ZFHX3: variants seen among roughly 807,000 people sequenced by gnomAD.
ZFHX3 encodes the protein zinc finger homeobox 3.
A neutral mutation model predicts 279.1 loss-of-function variants in ZFHX3; 42 were observed. The observed-to-expected ratio is 0.15, with a 90% CI of 0.12 to 0.19. The LOEUF (loss-of-function observed/expected upper bound fraction) is 0.19, where lower values mean the gene tolerates loss of function less well. Among genes scored for constraint, ZFHX3 ranks in the 10% least tolerant of loss-of-function variants. ZFHX3 has a pLI of 1.00. For synonymous variants in ZFHX3, 2,293 were observed against 1,957.8 expected, an observed-to-expected ratio of 1.17 and a Z score of -4.52; for missense variants, 4,981 against 4,754.0, an observed-to-expected ratio of 1.05 and a Z score of -1.40.
chr16:73,524,770 T>C (rs1212398443), intron 2 of ZFHX3, among the ~76,000 whole-genome samples: 1 of 152,252 alleles, frequency 6.6e-6, no homozygotes, highest in Non-Finnish European at 1.5e-5. Context: ...GGTCAGCTGG[T>C]ATTCTGCTCT....
intron 2 of ZFHX3, among the ~76,000 whole-genome samples, chr16:73,671,769 C>G (rs1391069993): frequency 6.6e-6 from 1 of 152,122 alleles, no homozygotes; most frequent in African/African-American, 2.4e-5. Context: ...CCTGGCTTTC[C>G]TTGAAGGGGA....
At chr16:73,425,141 G>A (rs2017788972) in intron 3 of ZFHX3, among the ~76,000 whole-genome samples, 1 of 152,188 alleles carries the variant, frequency 6.6e-6, no homozygotes, top group Non-Finnish European at 1.5e-5. Context: ...TACTTCTTGA[G>A]CAAATGCTTG....
chr16:73,788,722 A>G (rs1414109922), intron 1 of ZFHX3, among the ~76,000 whole-genome samples: 1 of 151,516 alleles, frequency 6.6e-6, no homozygotes, highest in Non-Finnish European at 1.5e-5. Context: ...AAATATATAT[A>G]TATCTATATA....
chr16:72,953,003 A>G (rs1488446284), intron 2 of ZFHX3, among the ~76,000 whole-genome samples: 3 of 152,128 alleles, frequency 2.0e-5, no homozygotes, highest in African/African-American at 2.4e-5. Flanking sequence ...AACTGATTAG[A>G]ATCCAAGTCA....
chr16:73,606,356 C>T (rs1048247335), intron 2 of ZFHX3, among the ~76,000 whole-genome samples: 4 of 151,228 alleles, frequency 2.6e-5, no homozygotes, highest in Non-Finnish European at 4.4e-5. Flanking sequence ...CGTGGTGGTG[C>T]GCACCTGTAA....
intron 7 of ZFHX3, among the ~76,000 whole-genome samples, chr16:72,801,147 T>A (rs947013343): frequency 2.0e-5 from 3 of 152,166 alleles, no homozygotes; most frequent in African/African-American, 7.2e-5. Context: ...ATATTTCAAA[T>A]GAATTAGAAA....
intron 1 of ZFHX3, among the ~76,000 whole-genome samples, chr16:73,767,219 G>A (rs1338094801): frequency 6.6e-6 from 1 of 152,128 alleles, no homozygotes; most frequent in Non-Finnish European, 1.5e-5. Context: ...TCGCAGGTGT[G>A]AGCCACTGCG....
intron 4 of ZFHX3, among the ~76,000 whole-genome samples, chr16:73,317,730 T>A (rs913082463): frequency 5.9e-5 from 9 of 152,092 alleles, no homozygotes; most frequent in African/African-American, 2.2e-4. Context: ...CGGCATCAAA[T>A]ACTCATCAAA....
At chr16:73,209,258 AT>A (rs2011919366) in intron 5 of ZFHX3, among the ~76,000 whole-genome samples, 1 of 152,252 alleles carries the variant, frequency 6.6e-6, no homozygotes, top group African/African-American at 2.4e-5. Flanking sequence ...TATTTCCCAA[AT>A]AAAAATAATT....
intron 3 of ZFHX3, among the ~76,000 whole-genome samples, chr16:73,342,626 A>G (rs1184252990): frequency 6.6e-6 from 1 of 152,210 alleles, no homozygotes; most frequent in African/African-American, 2.4e-5. Context: ...AAACTATACA[A>G]GTATCTACCT....
At chr16:73,571,805 G>A (rs983489878) in intron 2 of ZFHX3, among the ~76,000 whole-genome samples, 16 of 152,128 alleles carry the variant, frequency 1.1e-4, no homozygotes, top group Admixed American at 2.0e-4. Flanking sequence ...TTTGGTTGTC[G>A]TGAAAGGGGT....
intron 2 of ZFHX3, among the ~76,000 whole-genome samples, chr16:73,502,955 G>C (rs1016779198): frequency 2.0e-5 from 3 of 152,158 alleles, no homozygotes; most frequent in Non-Finnish European, 4.4e-5. Context: ...CTCTAACCAC[G>C]ATGGCAATCC....
chr16:73,579,528 G>A (rs1428286429), intron 2 of ZFHX3, among the ~76,000 whole-genome samples: 2 of 148,682 alleles, frequency 1.3e-5, no homozygotes, highest in Non-Finnish European at 3.0e-5. Context: ...TTGAGACAGA[G>A]TCTCACTCCG....
chr16:73,814,689 T>A (rs971345408), intron 1 of ZFHX3, among the ~76,000 whole-genome samples: 1 of 151,910 alleles, frequency 6.6e-6, no homozygotes. Context: ...TGCCTCAGCC[T>A]CCTGAGTAGC....
chr16:73,672,287 T>A lies in ZFHX3; in HGVS notation c.-1547+7893A>T, dbSNP rs183261546. ...AGATCGTTCTGGGAACAAGGCAAGA[T>A]ATACAAAACCAAAATATATCACCAA... On this transcript the variant is annotated intron_variant, in intron 2 of 17. Coordinates refer to the ZFHX3 transcript ENST00000641206. Among the ~76,000 whole-genome samples the A allele has an allele frequency of 8.5e-5, 13 of 152,286 alleles. No homozygotes were observed. The East Asian group carries it at 2.5e-3, about 29-fold the overall frequency.
chr16:73,430,087 G>A (rs1454683293), intron 3 of ZFHX3, among the ~76,000 whole-genome samples: 2 of 151,628 alleles, frequency 1.3e-5, no homozygotes, highest in South Asian at 4.2e-4. Context: ...ACAGGGTCTT[G>A]CTATGTTGCC....
chr16:73,817,303 A>G (rs1012701701), intron 1 of ZFHX3, among the ~76,000 whole-genome samples: 8 of 152,198 alleles, frequency 5.3e-5, no homozygotes, highest in Admixed American at 3.9e-4. Flanking sequence ...CCTTCTAATC[A>G]ATGTAATTCA....
chr16:73,640,511 A>C (rs964221058), intron 2 of ZFHX3, among the ~76,000 whole-genome samples: 2 of 152,214 alleles, frequency 1.3e-5, no homozygotes, highest in African/African-American at 4.8e-5. Context: ...GAAAGGTAAC[A>C]GAGGACATTG....
chr16:73,835,060 G>C (rs1233768696), intron 1 of ZFHX3, among the ~76,000 whole-genome samples: 1 of 152,158 alleles, frequency 6.6e-6, no homozygotes, highest in African/African-American at 2.4e-5. Context: ...AGGTGTTCTG[G>C]TAGCAAAGGT....
Sources: gnomAD v4.1 joint callset for allele counts (sites outside exome capture counted in the v4.1 genomes callset) on GRCh38, gnomAD v4.1.1 for gene constraint, MANE v1.5 for transcripts, NCBI Gene and HGNC (gene_info 2026-07-23, HGNC 2026-07-21) for gene names.